Variants in NF2 observed in about 807,000 individuals in gnomAD.
NF2 encodes the protein NF2, moesin-ezrin-radixin like (MERLIN) tumor suppressor, also known as merlin.
NF2 carries 8 observed loss-of-function variants against 83.7 expected under a neutral mutation model. That is an observed-to-expected ratio of 0.10 (90% confidence interval 0.06 to 0.17). NF2 has a LOEUF of 0.17. Ranked by LOEUF, NF2 falls within the 10% of genes least tolerant of loss-of-function variation. The pLI, the probability that NF2 is intolerant of heterozygous loss-of-function variation, is 1.00. For missense variants in NF2, 533 were observed against 744.4 expected (o/e 0.72, Z 3.31); for synonymous variants, 266 against 269.6 (o/e 0.99, Z 0.13).
At chr22:29,656,316 G>A (rs1450368580) in intron 6 of NF2, among the ~76,000 whole-genome samples, 1 of 151,144 alleles carries the variant, frequency 6.6e-6, no homozygotes, top group African/African-American at 2.4e-5. Context: ...TGGCATTTGA[G>A]TATCTGTAGG....
intron 4 of NF2, among the ~76,000 whole-genome samples, chr22:29,650,058 A>G (rs956022682): frequency 6.6e-6 from 1 of 152,168 alleles, no homozygotes; most frequent in Non-Finnish European, 1.5e-5. Context: ...ATAACTTACA[A>G]AGATTAAAAA....
At chr22:29,661,620 A>G (rs2066480829) in intron 8 of NF2, among the ~76,000 whole-genome samples, 1 of 152,192 alleles carries the variant, frequency 6.6e-6, no homozygotes, top group Admixed American at 6.5e-5. Flanking sequence ...TTGGCTTTCT[A>G]TTTTTGTCGA....
At chr22:29,673,912 A>C (rs977509626) in intron 12 of NF2, among the ~76,000 whole-genome samples, 6 of 152,300 alleles carry the variant, frequency 3.9e-5, no homozygotes, top group Admixed American at 2.6e-4. Flanking sequence ...TTTAAAGGGA[A>C]GCTAGTGCCT....
chr22:29,691,869 C>T (rs527612583), intron 15 of NF2, among the ~76,000 whole-genome samples: 3 of 152,346 alleles, frequency 2.0e-5, no homozygotes, highest in African/African-American at 7.2e-5. Context: ...GGGCTCTCCT[C>T]GTCTCACTGC....
intron 1 of NF2, among the ~76,000 whole-genome samples, chr22:29,635,611 A>G (rs2146844417): frequency 6.6e-6 from 1 of 152,286 alleles, no homozygotes; most frequent in Admixed American, 6.5e-5. Context: ...TACAGGTGTG[A>G]ACCACCACGC....
At chr22:29,661,443 C>G in intron 8 of NF2, 104 bp downstream of exon 8, 1 of 1,507,262 alleles carries the variant, frequency 6.6e-7, no homozygotes, top group Non-Finnish European at 9.1e-7. Flanking sequence ...TTCATAGAGT[C>G]CTTTAATTCC....
rs145935225 is a variant in NF2 at position 29,639,123 on chromosome 22, G to A, written c.274G>A (p.Val92Ile). The part of the protein sequence containing the change: ...LDHDVSKEEP[V>I]TFHFLAKFYP... Reference sequence around the variant, plus strand: ...TCATGATGTTTCAAAGGAAGAACCAGTCACCTTTCACTTCTTGGCCAAATT... The same window carrying A: ...TCATGATGTTTCAAAGGAAGAACCAATCACCTTTCACTTCTTGGCCAAATT... Residue 92 changes from valine (V) to isoleucine (I), a missense_variant, in exon 3 of 16, where the codon GTC becomes ATC. Physicochemically the swap from Val to Ile is conservative, Grantham distance 29. Transcript: ENST00000338641. 2 of 1,614,094 alleles carry A rather than the reference G, an allele frequency of 1.2e-6. No individual in the cohort carries two copies. Among genetic ancestry groups the A allele is most frequent in the African/African-American group, 2.7e-5 (2 of 74,932 alleles).
intron 1 of NF2, among the ~76,000 whole-genome samples, chr22:29,625,084 G>A (rs1397160819): frequency 2.6e-5 from 4 of 151,662 alleles, no homozygotes; most frequent in Non-Finnish European, 4.4e-5. Flanking sequence ...GACTACAGGC[G>A]TGCGCCACTA....
At chr22:29,625,064 G>A (rs751747634) in intron 1 of NF2, among the ~76,000 whole-genome samples, 7 of 151,640 alleles carry the variant, frequency 4.6e-5, no homozygotes, top group South Asian at 2.1e-4. Flanking sequence ...TCAGCCTTCC[G>A]AGAAGCTGGG....
At chr22:29,687,000 G>GTGGT (rs2067285609) in intron 15 of NF2, among the ~76,000 whole-genome samples, 1 of 152,212 alleles carries the variant, frequency 6.6e-6, no homozygotes, top group Non-Finnish European at 1.5e-5. Flanking sequence ...AATGATGGGA[G>GTGGT]TGGTGGCTTG....
Position 29,656,870 on chromosome 22 carries a change from C to T in NF2, c.599+1194C>T, listed in dbSNP as rs1473518144. Among the ~76,000 whole-genome samples, 6 of 119,180 alleles carry T rather than the reference C, an allele frequency of 5.0e-5. No homozygotes were observed. In the South Asian group the frequency reaches 1.5e-3, roughly 30 times the overall value. The allele number at this position is 119,180 out of a possible 152,430, so 78.2% of individuals were successfully genotyped here. On this transcript the variant is annotated intron_variant, in intron 6 of 15. Coordinates refer to ENST00000338641, the MANE Select transcript of NF2 (RefSeq NM_000268.4). ...TCCCACCCCCCACCCCCAGTCTATC[C>T]TCAACAATTGTTTTTATCAGTCTAA...
At chr22:29,672,515 T>TG (rs2066827482) in intron 11 of NF2, among the ~76,000 whole-genome samples, 1 of 152,074 alleles carries the variant, frequency 6.6e-6, no homozygotes, top group African/African-American at 2.4e-5. Flanking sequence ...GGTTTCCCCA[T>TG]GTTGGTCAGG....
At position 29,651,611 on chromosome 22, in the gene NF2, CTTG is replaced by C. The variant is rs149091266; in HGVS notation, c.448-3040_448-3038del. Reference sequence around the variant, plus strand: ...CACAACTTCAGGATTTTTTTCTTCCCTTGTTGTTTAAAGAGACATTTAAGAGCA... The same window carrying C: ...CACAACTTCAGGATTTTTTTCTTCCCTTGTTTAAAGAGACATTTAAGAGCA... On this transcript the variant is annotated intron_variant, in intron 4 of 15. Coordinates refer to ENST00000338641, the MANE Select transcript of NF2 (RefSeq NM_000268.4). Among the ~76,000 whole-genome samples the C allele has an allele frequency of 4.2e-3, 633 of 152,236 alleles. 19 individuals carry two copies. Among genetic ancestry groups the C allele is most frequent in the Admixed American group, 0.033 (508 of 15,284 alleles).
At position 29,671,821 on chromosome 22, in the gene NF2, C is replaced by T. The variant is rs763266359; in HGVS notation, c.1000-5C>T. The T allele has an allele frequency of 5.0e-6, 8 of 1,613,900 alleles. No homozygotes were observed. The highest frequency in any genetic ancestry group is 2.2e-5 in the East Asian group (1 of 44,872). Reference sequence around the variant, plus strand: ...TCAATGACTGTTTTTCTTCACCCCTCGCAGATGGAGCGGCAGCGCCTCGCT... The same window carrying T: ...TCAATGACTGTTTTTCTTCACCCCTTGCAGATGGAGCGGCAGCGCCTCGCT... On this transcript the variant is annotated splice_polypyrimidine_tract_variant and splice_region_variant and intron_variant, in intron 10 of 15. Transcript: ENST00000338641.
At chr22:29,634,944 C>T (rs2065608981) in intron 1 of NF2, among the ~76,000 whole-genome samples, 1 of 152,014 alleles carries the variant, frequency 6.6e-6, no homozygotes, top group South Asian at 2.1e-4. Context: ...CAAAATAATC[C>T]CTAAAGACCT....
rs949907785 is a variant in NF2 at position 29,636,055 on chromosome 22, T to C, written c.115-696T>C. Reference sequence around the variant, plus strand: ...GAGATTGCCATTGCTTCAGGTTCTTTTGAAAGTGAGGCTATAGGATAAACA... The same window carrying C: ...GAGATTGCCATTGCTTCAGGTTCTTCTGAAAGTGAGGCTATAGGATAAACA... On this transcript the variant is annotated intron_variant, in intron 1 of 15. Coordinates refer to ENST00000338641, the MANE Select transcript of NF2 (RefSeq NM_000268.4). This position sits in a 1 kb window ranked among gnomAD's most constrained non-coding sequence, Gnocchi z 4.4. Among the ~76,000 whole-genome samples the C allele has an allele frequency of 6.6e-6, 1 of 152,216 alleles. No individual in the cohort carries two copies. Among genetic ancestry groups the C allele is most frequent in the Non-Finnish European group, 1.5e-5 (1 of 68,028 alleles).
At chr22:29,640,345 G>A (rs1043340767) in intron 3 of NF2, among the ~76,000 whole-genome samples, 2 of 151,938 alleles carry the variant, frequency 1.3e-5, no homozygotes, top group African/African-American at 2.4e-5. Flanking sequence ...TAGATTGTAA[G>A]CCCCTTAAAG....
chr22:29,668,281 A>G, intron 9 of NF2, 52 bp from the exon 10 acceptor site: 1 of 1,335,730 alleles, frequency 7.5e-7, no homozygotes, highest in Non-Finnish European at 1.1e-6. Context: ...GCCAGTAGGC[A>G]GTGAAGTAAA....
At chr22:29,682,955 C>T (rs1450029267) in intron 15 of NF2, 2 of 1,593,934 alleles carry the variant, frequency 1.3e-6, no homozygotes, top group South Asian at 1.1e-5. Context: ...GCAGATGGCA[C>T]TTATGGCATT....
Sources: gnomAD v4.1 joint callset for allele counts (sites outside exome capture counted in the v4.1 genomes callset) on GRCh38, gnomAD v4.1.1 for gene constraint, Gnocchi (gnomAD v3.1) non-coding constraint, MANE v1.5 for transcripts, NCBI Gene and HGNC (gene_info 2026-07-23, HGNC 2026-07-21) for gene names.